The following KAZN variants were observed in gnomAD, a reference collection of about 807,000 sequenced individuals.
The protein encoded by KAZN is kazrin.
Under a neutral mutation model 87.4 loss-of-function variants are expected in KAZN, and 40 were observed. The ratio of observed to expected loss-of-function variants is 0.46; its 90% CI spans 0.36 to 0.60. KAZN has a LOEUF of 0.60. KAZN is among the 20% of genes least tolerant of loss of function. KAZN has a pLI of 0.00. For synonymous variants in KAZN, 466 were observed against 458.3 expected (o/e 1.02, Z -0.22); for missense variants, 898 against 1,073.9 (o/e 0.84, Z 2.29).
chr1:14,395,152 G>GA (rs1333050278), intron 2 of KAZN, among the ~76,000 whole-genome samples: 1 of 151,486 alleles, frequency 6.6e-6, no homozygotes, highest in Non-Finnish European at 1.5e-5. Flanking sequence ...GAGGAGAGAA[G>GA]AAAAAAGAGG....
chr1:14,181,853 T>C (rs527536318), intron 2 of KAZN, among the ~76,000 whole-genome samples: 4 of 152,316 alleles, frequency 2.6e-5, no homozygotes, highest in African/African-American at 7.2e-5. Context: ...GTCCCAATCC[T>C]GTAGCCAGCA....
At position 14,774,919 on chromosome 1, in the gene KAZN, ACGGTAT is replaced by A. The variant is rs370962705; in HGVS notation, c.226+175699_226+175704del. The stretch of plus-strand genomic sequence containing the variant: ...TTGTCCCTTCTCCTTCGTTCACCTT[ACGGTAT>A]CGATTGAGAGCCCATGGAATATCCA... On this transcript the variant is annotated intron_variant, in intron 1 of 14. Transcript: ENST00000376030. Among the ~76,000 whole-genome samples the A allele has an allele frequency of 2.0e-3, 310 of 152,196 alleles. 2 individuals carry two copies. The highest frequency in any genetic ancestry group is 7.2e-3 in the African/African-American group (299 of 41,494).
At chr1:14,851,070 G>A (rs1649377015) in intron 1 of KAZN, among the ~76,000 whole-genome samples, 1 of 152,160 alleles carries the variant, frequency 6.6e-6, no homozygotes, top group South Asian at 2.1e-4. Flanking sequence ...CCTTTGTCGG[G>A]TTGGCCCTTC....
chr1:15,056,404 C>A lies in KAZN; in HGVS notation c.916+124C>A. 1.0e-6 allele frequency: 1 copy of A among 983,128 alleles called. No individual in the cohort carries two copies. The highest frequency in any genetic ancestry group is 1.5e-6 in the Non-Finnish European group (1 of 687,022). 60.9% of individuals were successfully genotyped at this position (983,128 alleles called of 1,614,324 possible). Reference sequence around the variant, plus strand: ...GCAGCTTGGGGGCGTGGGACAGAGACCTTGGGCTCATGTAACTGAAAAATC... The same window carrying A: ...GCAGCTTGGGGGCGTGGGACAGAGAACTTGGGCTCATGTAACTGAAAAATC... On this transcript the variant is annotated intron_variant, in intron 5 of 14. Coordinates refer to ENST00000376030, the MANE Select transcript of KAZN (RefSeq NM_201628.3). This position sits in a 1 kb window ranked among gnomAD's most constrained non-coding sequence, Gnocchi z 5.4.
intron 1 of KAZN, among the ~76,000 whole-genome samples, chr1:14,718,781 A>G (rs1642941568): frequency 6.6e-6 from 1 of 152,164 alleles, no homozygotes; most frequent in Non-Finnish European, 1.5e-5. Context: ...CTCCTAAACT[A>G]CTGAATCCGC....
At chr1:15,008,042 A>C (rs912089106) in intron 2 of KAZN, among the ~76,000 whole-genome samples, 2 of 152,002 alleles carry the variant, frequency 1.3e-5, no homozygotes, top group Non-Finnish European at 1.5e-5. Context: ...TTCCCTTTTA[A>C]ATGAAATAAC....
At chr1:14,299,506 A>G (rs551961973) in intron 2 of KAZN, among the ~76,000 whole-genome samples, 1 of 152,288 alleles carries the variant, frequency 6.6e-6, no homozygotes, top group Admixed American at 6.5e-5. Flanking sequence ...GACTGTCTCA[A>G]AAAAAGAAAA....
At chr1:15,043,918 T>A in intron 3 of KAZN, 71 bp from the exon 4 acceptor site, 4 of 1,471,198 alleles carry the variant, frequency 2.7e-6, no homozygotes, top group Non-Finnish European at 3.7e-6. Context: ...TTAGGCCCCC[T>A]CTAGGCATCC....
chr1:14,673,308 CAT>C (rs1640025515), intron 1 of KAZN, among the ~76,000 whole-genome samples: 1 of 152,334 alleles, frequency 6.6e-6, no homozygotes, highest in East Asian at 1.9e-4. Flanking sequence ...TGGATGGACA[CAT>C]AACCATGCCT....
At chr1:14,462,005 A>G (rs1313927904) in intron 2 of KAZN, among the ~76,000 whole-genome samples, 1 of 151,744 alleles carries the variant, frequency 6.6e-6, no homozygotes, top group African/African-American at 2.4e-5. Flanking sequence ...AGCTCCCACA[A>G]TTTCCATGAA....
At chr1:14,577,962 C>T in intron 2 of KAZN, among the ~76,000 whole-genome samples, 1 of 152,130 alleles carries the variant, frequency 6.6e-6, no homozygotes, top group Non-Finnish European at 1.5e-5. Flanking sequence ...TGTGTTCAAA[C>T]TTCCCCTCTA....
At chr1:15,069,512 C>T (rs1287064354) in intron 8 of KAZN, among the ~76,000 whole-genome samples, 2 of 152,176 alleles carry the variant, frequency 1.3e-5, no homozygotes, top group Non-Finnish European at 2.9e-5. Flanking sequence ...TTAAAAGAAT[C>T]TTCTCCAGGG....
intron 2 of KAZN, among the ~76,000 whole-genome samples, chr1:14,453,747 A>G (rs1667410662): frequency 6.6e-6 from 1 of 152,136 alleles, no homozygotes; most frequent in African/African-American, 2.4e-5. Flanking sequence ...GAGGCAGGAG[A>G]ATCGCTTCAA....
chr1:14,255,603 A>G (rs4127243), intron 2 of KAZN, among the ~76,000 whole-genome samples: 12,396 of 152,230 alleles, frequency 0.081, 1,028 homozygotes, highest in East Asian at 0.38. Context: ...CTACTGGTCT[A>G]TGTCATAGTT....
intron 1 of KAZN, among the ~76,000 whole-genome samples, chr1:14,671,710 T>G (rs954970187): frequency 6.6e-6 from 1 of 152,342 alleles, no homozygotes; most frequent in East Asian, 1.9e-4. Flanking sequence ...CTGTATATGA[T>G]AAAGAAAAGT....
At chr1:14,289,427 T>G (rs918290208) in intron 2 of KAZN, among the ~76,000 whole-genome samples, 10 of 152,136 alleles carry the variant, frequency 6.6e-5, no homozygotes, top group African/African-American at 2.4e-4. Context: ...TCCCTTTACC[T>G]TTATGTAATG....
intron 4 of KAZN, among the ~76,000 whole-genome samples, chr1:15,048,794 T>C (rs1432841456): frequency 6.7e-6 from 1 of 149,142 alleles, no homozygotes; most frequent in Non-Finnish European, 1.5e-5. Context: ...TCCTTGGTCA[T>C]TGGTCCTGAG....
intron 8 of KAZN, among the ~76,000 whole-genome samples, chr1:15,091,258 C>T (rs369363216): frequency 1.1e-4 from 16 of 152,132 alleles, no homozygotes; most frequent in African/African-American, 3.6e-4. Flanking sequence ...TATACACACA[C>T]GTGTATATAA....
intron 1 of KAZN, among the ~76,000 whole-genome samples, chr1:14,163,523 C>T (rs1645755976): frequency 6.6e-6 from 1 of 152,156 alleles, no homozygotes; most frequent in South Asian, 2.1e-4. Context: ...AGTTAAACCC[C>T]ACCATTTTGC....
Sources: allele counts gnomAD v4.1 joint callset (sites outside exome capture counted in the v4.1 genomes callset), GRCh38; gene constraint gnomAD v4.1.1; non-coding constraint Gnocchi (gnomAD v3.1); transcripts MANE v1.5; gene names NCBI Gene and HGNC (gene_info 2026-07-23, HGNC 2026-07-21).